The following TGFBR3 variants were observed in gnomAD, a reference collection of about 807,000 sequenced individuals.
TGFBR3 encodes transforming growth factor beta receptor type 3.
In TGFBR3, 46 loss-of-function variants were observed where a neutral mutation model predicts 87.9. That is an observed-to-expected ratio of 0.52 (90% CI 0.41 to 0.67). The LOEUF is 0.67. Ranked by LOEUF, TGFBR3 falls within the 30% of genes least tolerant of loss-of-function variation. The pLI is 0.00. For missense variants in TGFBR3, 866 were observed against 1,041.9 expected, an observed-to-expected ratio of 0.83 and a Z score of 2.32; for synonymous variants, 381 against 391.6, an observed-to-expected ratio of 0.97 and a Z score of 0.32.
intron 2 of TGFBR3, 125 bp downstream of exon 2, chr1:91,861,346 G>A: frequency 1.3e-6 from 1 of 752,738 alleles, no homozygotes; most frequent in Admixed American, 2.0e-5. Flanking sequence ...CCTACAGTAA[G>A]CCATGATTAT....
At chr1:91,831,262 C>A (rs1040334720) in intron 2 of TGFBR3, among the ~76,000 whole-genome samples, 2 of 152,162 alleles carry the variant, frequency 1.3e-5, no homozygotes, top group African/African-American at 4.8e-5. Context: ...AGGTCCTCTT[C>A]GCTCTTGCAA....
chr1:91,729,736 C>G, intron 6 of TGFBR3, 69 bp downstream of exon 6: 1 of 1,591,504 alleles, frequency 6.3e-7, no homozygotes, highest in Non-Finnish European at 8.6e-7. Flanking sequence ...CTACACCTCT[C>G]CCTGCCTCAA....
At chr1:91,685,129 A>G (rs976799634) in intron 16 of TGFBR3, among the ~76,000 whole-genome samples, 3 of 152,132 alleles carry the variant, frequency 2.0e-5, no homozygotes, top group Non-Finnish European at 2.9e-5. Context: ...GTCTGGTTAC[A>G]GCTTTTCCTG....
chr1:91,735,839 T>G (rs575486255), intron 4 of TGFBR3, among the ~76,000 whole-genome samples: 87 of 152,304 alleles, frequency 5.7e-4, no homozygotes, highest in African/African-American at 2.0e-3. Flanking sequence ...AACTGATTTT[T>G]TCAATGTCAG....
rs60294904 is a variant in TGFBR3 at position 91,780,551 on chromosome 1, C to CTTTTTT, written c.246+16730_246+16735dup. Among the ~76,000 whole-genome samples the CTTTTTT allele has an allele frequency of 7.0e-3, 538 of 77,152 alleles. 56 individuals carry two copies. The highest frequency in any genetic ancestry group is 0.016 in the African/African-American group (289 of 18,356). The allele number at this position is 77,152 out of a possible 152,430, so 50.6% of individuals were successfully genotyped here. A position where few individuals can be genotyped will look rare whatever the true frequency, so the allele number is the denominator to read the frequency against. ...TACTAGTTCCCGCAAGGGTCTAAGG[C>CTTTTTT]TTTTTTTTTTTTTTTTTTTTTTTCT... On this transcript the variant is annotated intron_variant, in intron 3 of 16. Coordinates refer to ENST00000212355, the MANE Select transcript of TGFBR3 (RefSeq NM_003243.5).
At chr1:91,808,919 A>C (rs555295252) in intron 2 of TGFBR3, among the ~76,000 whole-genome samples, 34 of 152,340 alleles carry the variant, frequency 2.2e-4, no homozygotes, top group African/African-American at 4.6e-4. Flanking sequence ...ACAGAGACCA[A>C]GAACAAATCT....
chr1:91,740,368 ATT>A (rs780530073), intron 4 of TGFBR3, among the ~76,000 whole-genome samples: 4 of 133,608 alleles, frequency 3.0e-5, no homozygotes, highest in Admixed American at 7.8e-5. Context: ...TGGGATTACA[ATT>A]TTTTTTTTTT....
intron 2 of TGFBR3, among the ~76,000 whole-genome samples, chr1:91,807,025 G>C (rs576938243): frequency 1.4e-3 from 207 of 152,270 alleles, no homozygotes; most frequent in Middle Eastern, 3.4e-3. Context: ...CAAAAACAAA[G>C]CTCCAAGAAA....
intron 4 of TGFBR3, among the ~76,000 whole-genome samples, chr1:91,745,731 C>T (rs927942806): frequency 5.3e-5 from 8 of 152,256 alleles, no homozygotes; most frequent in Middle Eastern, 3.4e-3. Flanking sequence ...AAATGCAATC[C>T]GAAACATGTT....
At chr1:91,777,046 C>G (rs1189263744) in intron 3 of TGFBR3, among the ~76,000 whole-genome samples, 1 of 152,204 alleles carries the variant, frequency 6.6e-6, no homozygotes, top group South Asian at 2.1e-4. Flanking sequence ...AACAAAAACT[C>G]AATCACCTGT....
chr1:91,737,545 C>A (rs1673007366), intron 4 of TGFBR3, among the ~76,000 whole-genome samples: 1 of 152,050 alleles, frequency 6.6e-6, no homozygotes, highest in Admixed American at 6.5e-5. Context: ...TTGCACCCTT[C>A]CAGAAAGAAG....
intron 1 of TGFBR3, among the ~76,000 whole-genome samples, chr1:91,878,966 C>A (rs182612009): frequency 8.2e-4 from 125 of 152,220 alleles, no homozygotes; most frequent in African/African-American, 2.7e-3. Context: ...ATCTTGGCAA[C>A]AGTTTAACAT....
At chr1:91,728,069 T>C (rs1227372612) in intron 6 of TGFBR3, among the ~76,000 whole-genome samples, 1 of 152,274 alleles carries the variant, frequency 6.6e-6, no homozygotes, top group Non-Finnish European at 1.5e-5. Context: ...GGTTACTTAA[T>C]GCAGCCACTG....
rs1234022136 is a variant in TGFBR3, at chr1:91,885,965, G to A, written c.-201C>T. ...TTTCCCCGCCCAGCGCTCGGCGGCG[G>A]CGAGCTCCGGCAGCTGCTGCGCCGC... is the stretch of plus-strand genomic sequence containing the variant. On this transcript the variant is annotated 5_prime_UTR_variant, in exon 1 of 17. Transcript: ENST00000212355. 8.9e-6 allele frequency: 4 copies of A among 451,366 alleles called. No individual in the cohort carries two copies. The highest frequency in any genetic ancestry group is 6.0e-5 in the African/African-American group (3 of 49,788). The allele number at this position is 451,366 out of a possible 1,614,324, so 28.0% of individuals were successfully genotyped here. A position where few individuals can be genotyped will look rare whatever the true frequency, so the allele number is the denominator to read the frequency against.
At chr1:91,719,532 T>G (rs925845284) in intron 9 of TGFBR3, 68 bp from the exon 10 acceptor site, 1 of 1,587,976 alleles carries the variant, frequency 6.3e-7, no homozygotes, top group Non-Finnish European at 8.6e-7. Context: ...ATTGACACAA[T>G]TGACAATTGC....
chr1:91,700,267 T>C (rs1211663944), intron 14 of TGFBR3, among the ~76,000 whole-genome samples: 3 of 152,224 alleles, frequency 2.0e-5, no homozygotes, highest in Admixed American at 2.0e-4. Context: ...TCTTTTCATC[T>C]CCATTTTCAT....
At chr1:91,787,489 C>T (rs1675012536) in intron 3 of TGFBR3, among the ~76,000 whole-genome samples, 1 of 152,128 alleles carries the variant, frequency 6.6e-6, no homozygotes. Context: ...ATATCTGAGG[C>T]ACCTGGCAGC....
At position 91,681,818 on chromosome 1, in the gene TGFBR3, A is replaced by C. The variant is rs952560102; in HGVS notation, c.*1921T>G. ...TACATAGAATATGCTGAAACAATAC[A>C]TTCCACCGAAGGTTAGGCAAAGCGC... On this transcript the variant is annotated 3_prime_UTR_variant, in exon 17 of 17. Coordinates refer to ENST00000212355, the MANE Select transcript of TGFBR3 (RefSeq NM_003243.5). 3 of 453,308 alleles carry C rather than the reference A, an allele frequency of 6.6e-6. No homozygotes were observed. The highest frequency in any genetic ancestry group is 2.0e-5 in the African/African-American group (1 of 49,982). The allele number at this position is 453,308 out of a possible 1,614,324, so 28.1% of individuals were successfully genotyped here. A position where few individuals can be genotyped will look rare whatever the true frequency, so the allele number is the denominator to read the frequency against.
rs71586711 is a variant in TGFBR3 at position 91,753,390 on chromosome 1, C to CAAAAAAA, written c.384+5216_384+5222dup. On this transcript the variant is annotated intron_variant, in intron 4 of 16. Coordinates refer to ENST00000212355, the MANE Select transcript of TGFBR3 (RefSeq NM_003243.5). ...GAGTAAGGGAGTGAGACTCTGTCCT[C>CAAAAAAA]AAAAAAAAAAAAAAAAAAAAAAAAA... 3.6e-4 allele frequency among the ~76,000 whole-genome samples: 19 copies of CAAAAAAA among 52,354 alleles called. 2 individuals are homozygous for CAAAAAAA. The highest frequency in any genetic ancestry group is 1.1e-3 in the African/African-American group (12 of 11,272). The allele number at this position is 52,354 out of a possible 152,430, so 34.3% of individuals were successfully genotyped here.
Sources: gnomAD v4.1 joint callset for allele counts (sites outside exome capture counted in the v4.1 genomes callset) on GRCh38, gnomAD v4.1.1 for gene constraint, MANE v1.5 for transcripts, NCBI Gene and HGNC (gene_info 2026-07-23, HGNC 2026-07-21) for gene names.